CCDC88C: variants seen among roughly 807,000 people sequenced by gnomAD.
CCDC88C encodes protein Daple.
Under a neutral mutation model 198.8 loss-of-function variants are expected in CCDC88C, and 131 were observed. That is an observed-to-expected ratio of 0.66 (90% confidence interval 0.57 to 0.76). The LOEUF (loss-of-function observed/expected upper bound fraction) is 0.76, where lower values mean the gene tolerates loss of function less well. Ranked by LOEUF, CCDC88C falls within the 30% of genes least tolerant of loss-of-function variation. The pLI, the probability that CCDC88C is intolerant of heterozygous loss-of-function variation, is 0.00. For synonymous variants in CCDC88C, 1,166 were observed against 1,114.7 expected (o/e 1.05, Z -0.92); for missense variants, 2,553 against 2,631.6 (o/e 0.97, Z 0.65).
chr14:91,415,819 G>A (rs1887018455), intron 2 of CCDC88C, among the ~76,000 whole-genome samples: 1 of 152,006 alleles, frequency 6.6e-6, no homozygotes, highest in Non-Finnish European at 1.5e-5. Context: ...AAAGCAAACT[G>A]CTCCTCTGCC....
Position 91,297,474 on chromosome 14 carries a change from T to C in CCDC88C, c.3797A>G (p.His1266Arg), listed in dbSNP as rs1209840008. 1 of 1,559,880 alleles carries C rather than the reference T, an allele frequency of 6.4e-7. No homozygotes were observed. The highest frequency in any genetic ancestry group is 1.2e-5 in the South Asian group (1 of 84,674). Residue 1266 changes from histidine (H) to arginine (R), a missense_variant, in exon 22 of 30, where the codon CAC (histidine) becomes CGC (arginine). His to Arg is a conservative substitution (Grantham distance 29). Coordinates refer to ENST00000389857, the MANE Select transcript of CCDC88C (RefSeq NM_001080414.4). ...CTCCTCGTACTCCCCCTTCAGCTGGTGGTGCAGGAAATTGACCCTGGAGGA... is the reference window on the plus strand; with the variant it reads ...CTCCTCGTACTCCCCCTTCAGCTGGCGGTGCAGGAAATTGACCCTGGAGGA... ...GELDRVNFLH[H>R]QLKGEYEELH... is the part of the protein sequence containing the mutation.
At chr14:91,303,551 C>A in intron 20 of CCDC88C, 150 bp downstream of exon 20, 1 of 764,252 alleles carries the variant, frequency 1.3e-6, no homozygotes, top group East Asian at 2.7e-5. Flanking sequence ...CAGGTCCCAC[C>A]CATCTCCTCC....
intron 4 of CCDC88C, 53 bp downstream of exon 4, chr14:91,359,589 C>T (rs1894207188): frequency 1.6e-5 from 23 of 1,454,256 alleles, no homozygotes; most frequent in South Asian, 7.2e-5. Context: ...AGCTGCCCAA[C>T]GCCATGCCTC....
intron 24 of CCDC88C, among the ~76,000 whole-genome samples, chr14:91,289,978 C>T (rs1890588855): frequency 6.6e-6 from 1 of 152,146 alleles, no homozygotes; most frequent in South Asian, 2.1e-4. Flanking sequence ...AAGATTCAGA[C>T]TGAGGTTCTG....
At chr14:91,363,055 C>T (rs570882164) in intron 3 of CCDC88C, among the ~76,000 whole-genome samples, 15 of 152,242 alleles carry the variant, frequency 9.9e-5, no homozygotes, top group African/African-American at 3.4e-4. Context: ...GAGCCATTAA[C>T]TGGTCCCCTT....
chr14:91,348,143 T>C (rs1383052679), intron 4 of CCDC88C, among the ~76,000 whole-genome samples: 4 of 151,884 alleles, frequency 2.6e-5, no homozygotes, highest in East Asian at 3.9e-4. Flanking sequence ...GTAGCTGGGA[T>C]TACAGGCGCA....
At chr14:91,379,591 G>C (rs577160710) in intron 3 of CCDC88C, 4 of 563,146 alleles carry the variant, frequency 7.1e-6, no homozygotes, top group South Asian at 2.2e-5. Flanking sequence ...GGGATCACAC[G>C]AGCAGAAGTG....
chr14:91,294,092 T>TG, intron 23 of CCDC88C, 81 bp downstream of exon 23: 1 of 1,544,976 alleles, frequency 6.5e-7, no homozygotes, highest in Non-Finnish European at 8.9e-7. Context: ...CCTCTCTGCA[T>TG]GGGAAGCCAG....
intron 3 of CCDC88C, among the ~76,000 whole-genome samples, chr14:91,366,019 A>T (rs1377534032): frequency 1.3e-5 from 2 of 152,196 alleles, no homozygotes; most frequent in African/African-American, 4.8e-5. Flanking sequence ...TCTTTATTAG[A>T]GTGATTAGGG....
At chr14:91,407,436 G>C (rs1250022654) in intron 3 of CCDC88C, among the ~76,000 whole-genome samples, 5 of 152,192 alleles carry the variant, frequency 3.3e-5, no homozygotes, top group Admixed American at 2.6e-4. Flanking sequence ...AGCCAAGTGC[G>C]AGGCACAGGT....
chr14:91,309,917 C>A lies in CCDC88C; in HGVS notation c.2806G>T (p.Glu936Ter), dbSNP rs979734927. ...SELDKLSQELEKVGLNRELLL... is the reference protein window; with the variant it reads ...SELDKLSQEL ...AGCTCCCTGTTGAGGCCGACCTTCT[C>A]CAGTTCCTGGCTCAGCTTGTCCAGC... Residue 936 changes from glutamate to a stop codon, truncating the protein, a stop_gained, in exon 16 of 30, where the codon GAG becomes TAG. Transcript: ENST00000389857. LOFTEE classifies it high-confidence loss of function. 1 of 1,609,974 alleles carries A rather than the reference C, an allele frequency of 6.2e-7. No homozygotes were observed. The highest frequency in any genetic ancestry group is 1.7e-5 in the Admixed American group (1 of 59,514).
At chr14:91,402,095 C>T (rs963307732) in intron 3 of CCDC88C, among the ~76,000 whole-genome samples, 1 of 151,972 alleles carries the variant, frequency 6.6e-6, no homozygotes, top group African/African-American at 2.4e-5. Context: ...GTCAACTTAG[C>T]GAGACCTTGC....
intron 19 of CCDC88C, among the ~76,000 whole-genome samples, chr14:91,304,651 T>C (rs1446346816): frequency 1.1e-4 from 16 of 152,174 alleles, no homozygotes; most frequent in Non-Finnish European, 1.8e-4. Flanking sequence ...AATAAGGATA[T>C]AGAATACCTG....
chr14:91,380,792 G>A (rs1884741790), intron 3 of CCDC88C, among the ~76,000 whole-genome samples: 2 of 152,150 alleles, frequency 1.3e-5, no homozygotes, highest in Admixed American at 1.3e-4. Context: ...AGACCATGGA[G>A]AGAGAACTGT....
At chr14:91,362,149 G>A (rs1894334086) in intron 3 of CCDC88C, among the ~76,000 whole-genome samples, 1 of 151,356 alleles carries the variant, frequency 6.6e-6, no homozygotes, top group African/African-American at 2.4e-5. Context: ...CAGGAGAATT[G>A]CTTGAACCCA....
chr14:91,408,869 C>A, intron 2 of CCDC88C, 102 bp from the exon 3 acceptor site: 1 of 738,702 alleles, frequency 1.4e-6, no homozygotes, highest in Non-Finnish European at 2.4e-6. Flanking sequence ...CCCTAGGTGA[C>A]CATGAGGCTG....
At chr14:91,365,034 G>A (rs1353442257) in intron 3 of CCDC88C, among the ~76,000 whole-genome samples, 3 of 152,160 alleles carry the variant, frequency 2.0e-5, no homozygotes, top group African/African-American at 7.2e-5. Context: ...CATGCTGGGT[G>A]GTGGGGCCAC....
intron 3 of CCDC88C, among the ~76,000 whole-genome samples, chr14:91,393,446 A>C (rs1183548809): frequency 6.6e-6 from 1 of 152,134 alleles, no homozygotes; most frequent in East Asian, 1.9e-4. Context: ...AGGGGTACAG[A>C]CAGAAGCGCC....
At position 91,325,981 on chromosome 14, in the gene CCDC88C, G is replaced by A. The variant is rs754564295; in HGVS notation, c.1126C>T (p.Arg376Trp). The change falls in exon 11 of 30, where the codon CGG (arginine) becomes TGG (tryptophan). Residue 376 changes from arginine (R) to tryptophan (W), a missense_variant. This residue lies in a region of CCDC88C where 1,260 missense variants were observed against 1,412.0 expected (regional missense o/e 0.89). Coordinates refer to ENST00000389857, the MANE Select transcript of CCDC88C (RefSeq NM_001080414.4). The surrounding 1 kb of genome is among the most constrained non-coding windows in gnomAD (Gnocchi z 4.1). Reference sequence around the variant, plus strand: ...TCCAGCTCATGGACTTTATCGCCCCGGGCCCGAGCAGCAGTCAGCTGTTCC... The same window carrying A: ...TCCAGCTCATGGACTTTATCGCCCCAGGCCCGAGCAGCAGTCAGCTGTTCC... The part of the protein sequence containing the change: ...LEEQLTAARA[R>W]GDKVHELEKE... The A allele has an allele frequency of 4.7e-5, 74 of 1,590,248 alleles. No homozygotes were observed. The highest frequency in any genetic ancestry group is 3.3e-4 in the Middle Eastern group (2 of 6,058).
Sources: gnomAD v4.1 joint callset for allele counts (sites outside exome capture counted in the v4.1 genomes callset) on GRCh38, gnomAD v4.1.1 for gene constraint, gnomAD v4.1.1 regional missense constraint, Gnocchi (gnomAD v3.1) non-coding constraint, MANE v1.5 for transcripts, NCBI Gene and HGNC (gene_info 2026-07-23, HGNC 2026-07-21) for gene names.